ME1: variants seen among roughly 807,000 people sequenced by gnomAD.
ME1 encodes the protein malic enzyme 1, also known as NADP-dependent malic enzyme.
A neutral mutation model predicts 66.4 loss-of-function variants in ME1; 74 were observed. The observed-to-expected ratio is 1.11, with a 90% confidence interval of 0.92 to 1.35. The LOEUF is 1.35. Among genes scored for constraint, ME1 ranks in the 40% most tolerant of loss-of-function variants. The pLI is 0.00. For synonymous variants in ME1, 251 were observed against 235.6 expected (o/e 1.07, Z -0.60); for missense variants, 750 against 694.1 (o/e 1.08, Z -0.90).
chr6:83,246,502 C>G (rs1162525296), intron 7 of ME1, among the ~76,000 whole-genome samples: 1 of 151,978 alleles, frequency 6.6e-6, no homozygotes, highest in East Asian at 1.9e-4. Context: ...TTTTAACATG[C>G]TTTTTATCTC....
chr6:83,353,786 C>T (rs1032375292), intron 3 of ME1, among the ~76,000 whole-genome samples: 1 of 152,100 alleles, frequency 6.6e-6, no homozygotes, highest in African/African-American at 2.4e-5. Context: ...ATCAAATGTT[C>T]CAGGTCTATT....
rs1215327960 is a variant in ME1 at position 83,352,128 on chromosome 6, A to T, written c.374T>A (p.Ile125Asn). Residue 125 changes from isoleucine (I) to asparagine (N), a missense_variant, in exon 4 of 14, where the codon ATT (isoleucine) becomes AAT (asparagine). Ile to Asn is a moderately radical substitution (Grantham distance 149). Coordinates refer to ENST00000369705, the MANE Select transcript of ME1 (RefSeq NM_002395.6). The part of the protein sequence containing the change: ...LVFRKPRGLF[I>N]TIHDRGHIAS... The stretch of plus-strand genomic sequence containing the variant: ...AATATGCCCTCGATCGTGGATAGTA[A>T]TAAAGAGACCTCTGCAGAAAAAAAA... 10 of 1,538,996 alleles carry T rather than the reference A, an allele frequency of 6.5e-6. No individual in the cohort carries two copies. The highest frequency in any genetic ancestry group is 4.4e-6 in the Non-Finnish European group (5 of 1,135,438).
At chr6:83,261,623 G>T (rs1766890486) in intron 6 of ME1, among the ~76,000 whole-genome samples, 1 of 152,088 alleles carries the variant, frequency 6.6e-6, no homozygotes, top group Admixed American at 6.6e-5. Flanking sequence ...GTAGCCTGTT[G>T]TTAAAGTGCG....
intron 6 of ME1, among the ~76,000 whole-genome samples, chr6:83,275,700 C>T (rs1318333608): frequency 2.1e-5 from 3 of 144,978 alleles, no homozygotes; most frequent in Non-Finnish European, 3.0e-5. Context: ...CTCCTGACCT[C>T]GTGATCCGCC....
chr6:83,340,270 T>C (rs1768553424), intron 5 of ME1, among the ~76,000 whole-genome samples: 1 of 152,172 alleles, frequency 6.6e-6, no homozygotes, highest in Admixed American at 6.6e-5. Flanking sequence ...TTTATTGTCT[T>C]ATTACACAGG....
At chr6:83,395,096 GT>G (rs535132622) in intron 3 of ME1, among the ~76,000 whole-genome samples, 8,343 of 145,908 alleles carry the variant, frequency 0.057, 764 homozygotes, top group African/African-American at 0.2. Flanking sequence ...TGTTTTTTTG[GT>G]TTTTTTTTTT....
chr6:83,326,160 C>T (rs1768286865), intron 5 of ME1, among the ~76,000 whole-genome samples: 1 of 152,130 alleles, frequency 6.6e-6, no homozygotes, highest in Non-Finnish European at 1.5e-5. Context: ...AAAGGATTCC[C>T]TATTTAATAA....
intron 9 of ME1, among the ~76,000 whole-genome samples, chr6:83,235,876 A>C (rs1790392356): frequency 4.6e-5 from 7 of 152,144 alleles, no homozygotes. Context: ...TCATTTAAAG[A>C]AACATATTTA....
At chr6:83,281,855 GA>G (rs1301482507) in intron 6 of ME1, among the ~76,000 whole-genome samples, 48 of 45,302 alleles carry the variant, frequency 1.1e-3, no homozygotes, top group Admixed American at 2.8e-3. Context: ...ACAAAAAAGA[GA>G]AAAAAAAAAA....
intron 5 of ME1, among the ~76,000 whole-genome samples, chr6:83,345,530 T>C (rs1416691668): frequency 6.6e-6 from 1 of 152,210 alleles, no homozygotes; most frequent in African/African-American, 2.4e-5. Flanking sequence ...AAGGTCTTAT[T>C]TGATGATATA....
chr6:83,297,931 A>C (rs1767632668), intron 6 of ME1, among the ~76,000 whole-genome samples: 1 of 152,154 alleles, frequency 6.6e-6, no homozygotes, highest in African/African-American at 2.4e-5. Flanking sequence ...CATGGTGTGT[A>C]TGTACCACAT....
intron 6 of ME1, among the ~76,000 whole-genome samples, chr6:83,294,652 A>C (rs1033371087): frequency 6.6e-6 from 1 of 152,082 alleles, no homozygotes; most frequent in African/African-American, 2.4e-5. Context: ...TACTGCCCCT[A>C]TTGTCCTCAG....
At chr6:83,306,443 T>C (rs944895490) in intron 6 of ME1, among the ~76,000 whole-genome samples, 2 of 152,080 alleles carry the variant, frequency 1.3e-5, no homozygotes, top group Non-Finnish European at 2.9e-5. Flanking sequence ...GGGCTTTCTC[T>C]ATATAAATCT....
intron 5 of ME1, among the ~76,000 whole-genome samples, chr6:83,331,090 C>T (rs907459853): frequency 6.6e-6 from 1 of 152,170 alleles, no homozygotes; most frequent in African/African-American, 2.4e-5. Flanking sequence ...GCAGAAATCA[C>T]ATTCTCCTAC....
chr6:83,376,635 T>C (rs1769296234), intron 3 of ME1, among the ~76,000 whole-genome samples: 1 of 146,954 alleles, frequency 6.8e-6, no homozygotes, highest in Admixed American at 6.9e-5. Context: ...ACTCCATCTC[T>C]GTCAAAAAAA....
At chr6:83,251,125 T>C (rs905189290) in intron 7 of ME1, among the ~76,000 whole-genome samples, 3 of 152,166 alleles carry the variant, frequency 2.0e-5, no homozygotes, top group Non-Finnish European at 4.4e-5. Flanking sequence ...AATGATACAG[T>C]GATGAACAAA....
chr6:83,414,881 C>T (rs771563797), intron 1 of ME1, among the ~76,000 whole-genome samples: 4 of 152,148 alleles, frequency 2.6e-5, no homozygotes, highest in Admixed American at 2.0e-4. Context: ...GCAAATTTCA[C>T]TGTCACTAAA....
intron 6 of ME1, among the ~76,000 whole-genome samples, chr6:83,283,526 C>T (rs574832451): frequency 1.3e-5 from 2 of 152,048 alleles, no homozygotes; most frequent in South Asian, 4.2e-4. Context: ...CACCATGGCA[C>T]ATGTATACCT....
chr6:83,282,832 C>T (rs1767322739), intron 6 of ME1, among the ~76,000 whole-genome samples: 1 of 152,140 alleles, frequency 6.6e-6, no homozygotes, highest in South Asian at 2.1e-4. Context: ...CAGCACTATT[C>T]ACAATAGCAA....
Sources: gnomAD v4.1 joint callset for allele counts (sites outside exome capture counted in the v4.1 genomes callset) on GRCh38, gnomAD v4.1.1 for gene constraint, MANE v1.5 for transcripts, NCBI Gene and HGNC (gene_info 2026-07-23, HGNC 2026-07-21) for gene names.